ERVK3-1: variants seen among roughly 807,000 people sequenced by gnomAD.
ERVK3-1 encodes the protein endogenous retrovirus group K3 member 1, also known as HERV-K(HML6-1).
In ERVK3-1 at chr19:58,310,797, T is replaced by C; in HGVS notation, c.-3-1369T>C. ...CTCCACAAGAGGTGGAGGAGCAGAG[T>C]CTTCTCTAACCTCCCCCAGGGAAAG... On this transcript the variant is annotated intron_variant, in intron 2 of 3. Transcript: ENST00000413518. The surrounding 1 kb of genome is among the most constrained non-coding windows in gnomAD (Gnocchi z 4.7). 3.1e-6 allele frequency: 1 copy of C among 324,196 alleles called. No homozygotes were observed. Among genetic ancestry groups the C allele is most frequent in the South Asian group, 2.3e-5 (1 of 43,150 alleles). The allele number at this position is 324,196 out of a possible 1,614,324, so 20.1% of individuals were successfully genotyped here.
intron 3 of ERVK3-1, among the ~76,000 whole-genome samples, chr19:58,314,392 C>G (rs969940249): frequency 6.6e-6 from 1 of 151,700 alleles, no homozygotes; most frequent in Middle Eastern, 3.2e-3. Flanking sequence ...TTTGGGAGGC[C>G]GAGGCAGGCA....
At chr19:58,314,588 C>T (rs1211557297) in intron 3 of ERVK3-1, among the ~76,000 whole-genome samples, 160 bp from the exon 4 acceptor site, 1 of 134,710 alleles carries the variant, frequency 7.4e-6, no homozygotes, top group Non-Finnish European at 1.5e-5. Context: ...GATGGCGCCA[C>T]TGCACTCCAG....
Position 58,307,136 on chromosome 19 carries a change from A to G in ERVK3-1, c.-4+920A>G, listed in dbSNP as rs188510302. Among the ~76,000 whole-genome samples the G allele has an allele frequency of 9.3e-4, 141 of 152,372 alleles. 3 individuals carry two copies. The highest frequency in any genetic ancestry group is 6.8e-3 in the Middle Eastern group (2 of 294). ...CAATTGACACTTCCAGATGCTGCTTACCATCAGTGCGCCTGGCCGCTAAGC... is the reference window on the plus strand; with the variant it reads ...CAATTGACACTTCCAGATGCTGCTTGCCATCAGTGCGCCTGGCCGCTAAGC... On this transcript the variant is annotated intron_variant, in intron 2 of 3. Transcript: ENST00000413518.
chr19:58,308,655 G>A (rs1169430174), intron 2 of ERVK3-1, among the ~76,000 whole-genome samples: 1 of 152,186 alleles, frequency 6.6e-6, no homozygotes, highest in African/African-American at 2.4e-5. Flanking sequence ...AGATAGGAAA[G>A]GGCTAGGTCA....
chr19:58,307,725 A>G (rs1162768148), intron 2 of ERVK3-1, among the ~76,000 whole-genome samples: 1 of 150,756 alleles, frequency 6.6e-6, no homozygotes, highest in Non-Finnish European at 1.5e-5. Flanking sequence ...TCAAAATTTC[A>G]TCAGAATGGC....
chr19:58,310,492 C>G lies in ERVK3-1; in HGVS notation c.-3-1674C>G, dbSNP rs1038723404. The stretch of plus-strand genomic sequence containing the variant: ...AGTCATCTCCAATGATAGGTAAGGT[C>G]ACGTGGGTCATGTGTCCACTGGTCA... On this transcript the variant is annotated intron_variant, in intron 2 of 3. Coordinates refer to ENST00000413518, the Ensembl canonical transcript of ERVK3-1. The surrounding 1 kb of genome is among the most constrained non-coding windows in gnomAD (Gnocchi z 4.7). 1 of 155,248 alleles carries G rather than the reference C, an allele frequency of 6.4e-6. No homozygotes were observed. The highest frequency in any genetic ancestry group is 1.4e-5 in the Non-Finnish European group (1 of 69,668). The allele number at this position is 155,248 out of a possible 1,614,324, so 9.6% of individuals were successfully genotyped here.
downstream of ERVK3-1, among the ~76,000 whole-genome samples, chr19:58,316,315 A>G (rs923385719): frequency 6.6e-6 from 1 of 151,904 alleles, no homozygotes; most frequent in Non-Finnish European, 1.5e-5. Flanking sequence ...TGATGAGGCC[A>G]CCCCTCTCTT....
chr19:58,312,384 G>C lies in ERVK3-1; in HGVS notation c.216G>C (p.Glu72Asp), dbSNP rs2051561948. The C allele has an allele frequency of 2.5e-6, 1 of 400,216 alleles. No individual in the cohort carries two copies. Among genetic ancestry groups the C allele is most frequent in the Non-Finnish European group, 4.4e-6 (1 of 226,104 alleles). 24.8% of individuals were successfully genotyped at this position (400,216 alleles called of 1,614,324 possible). The stretch of plus-strand genomic sequence containing the variant: ...TCAAGAAAACGACACAAGAAGCTGA[G>C]AAACTACTGGAGCGCCAGGGTCAGG... Residue 72 changes from glutamate to aspartate, a missense_variant, in exon 3 of 4, where the codon GAG becomes GAC. Physicochemically the swap from Glu to Asp is conservative, Grantham distance 45. Coordinates refer to ENST00000413518, the Ensembl canonical transcript of ERVK3-1. The surrounding 1 kb of genome is among the most constrained non-coding windows in gnomAD (Gnocchi z 4.7).
chr19:58,312,787 C>G lies in ERVK3-1; in HGVS notation c.294+325C>G, dbSNP rs2051565481. On this transcript the variant is annotated intron_variant, in intron 3 of 3. Transcript: ENST00000413518. The surrounding 1 kb of genome is among the most constrained non-coding windows in gnomAD (Gnocchi z 4.7). ...TTATTAATGTTACTGGCGTGTTCAC[C>G]AATCACTCCTAGCCCCATCACTCAA... is the stretch of plus-strand genomic sequence containing the variant. 6.6e-6 allele frequency among the ~76,000 whole-genome samples: 1 copy of G among 152,294 alleles called. No individual in the cohort carries two copies. The highest frequency in any genetic ancestry group is 2.4e-5 in the African/African-American group (1 of 41,552).
Position 58,310,736 on chromosome 19 carries a change from C to T in ERVK3-1, c.-3-1430C>T, listed in dbSNP as rs922922498. On this transcript the variant is annotated intron_variant, in intron 2 of 3. Coordinates refer to ENST00000413518, the Ensembl canonical transcript of ERVK3-1. This position sits in a 1 kb window ranked among gnomAD's most constrained non-coding sequence, Gnocchi z 4.7. ...AATCACAGGGAGACGGTTAGGCCTC[C>T]GGATAACTGTGGGCGAGCCTGACTA... 1.5e-4 allele frequency: 33 copies of T among 219,824 alleles called. No individual in the cohort carries two copies. The highest frequency in any genetic ancestry group is 2.8e-4 in the Non-Finnish European group (29 of 103,816). The allele number at this position is 219,824 out of a possible 1,614,324, so 13.6% of individuals were successfully genotyped here.
At position 58,314,934 on chromosome 19, in the gene ERVK3-1, G is replaced by A. The variant is rs371764005; in HGVS notation, c.*151G>A. 6 of 393,482 alleles carry A rather than the reference G, an allele frequency of 1.5e-5. No homozygotes were observed. The South Asian group carries it at 4.0e-4, about 26-fold the overall frequency. The allele number at this position is 393,482 out of a possible 1,614,324, so 24.4% of individuals were successfully genotyped here. A position where few individuals can be genotyped will look rare whatever the true frequency, so the allele number is the denominator to read the frequency against. On this transcript the variant is annotated 3_prime_UTR_variant, in exon 4 of 4. Coordinates refer to ENST00000413518, the Ensembl canonical transcript of ERVK3-1. ...CAAACTGTTCTCATGAAAGCAGGAT[G>A]TTGGCGAACTGACAAACTCTGTCTG...
At position 58,310,460 on chromosome 19, in the gene ERVK3-1, G is replaced by T; in HGVS notation, c.-3-1706G>T. On this transcript the variant is annotated intron_variant, in intron 2 of 3. Transcript: ENST00000413518. This position sits in a 1 kb window ranked among gnomAD's most constrained non-coding sequence, Gnocchi z 4.7. The stretch of plus-strand genomic sequence containing the variant: ...TACAAAGCAAAAGGGGCAGGGTAAA[G>T]AGTGTGAGTCATCTCCAATGATAGG... The T allele has an allele frequency of 6.3e-6, 1 of 157,814 alleles. No individual in the cohort carries two copies. The highest frequency in any genetic ancestry group is 1.7e-4 in the South Asian group (1 of 5,908). 9.8% of individuals were successfully genotyped at this position (157,814 alleles called of 1,614,324 possible). A position where few individuals can be genotyped will look rare whatever the true frequency, so the allele number is the denominator to read the frequency against.
rs182545338 is a variant in ERVK3-1, at chr19:58,313,365, C to T, written c.294+903C>T. ...GCAGTGGCGCAATCTCGGGTCACTGCAACCTTTGCCTCCCGGGTTCAAGCA... is the reference window on the plus strand; with the variant it reads ...GCAGTGGCGCAATCTCGGGTCACTGTAACCTTTGCCTCCCGGGTTCAAGCA... On this transcript the variant is annotated intron_variant, in intron 3 of 3. Transcript: ENST00000413518. This position sits in a 1 kb window ranked among gnomAD's most constrained non-coding sequence, Gnocchi z 4.5. 8.1e-4 allele frequency among the ~76,000 whole-genome samples: 123 copies of T among 152,292 alleles called. No homozygotes were observed. Among genetic ancestry groups the T allele is most frequent in the Admixed American group, 1.8e-3 (28 of 15,298 alleles).
intron 2 of ERVK3-1, chr19:58,309,242 A>G (rs953082376): frequency 6.6e-6 from 1 of 152,216 alleles, no homozygotes; most frequent in African/African-American, 2.4e-5. Context: ...TATGGATAAT[A>G]TTGTTTTGGC....
chr19:58,314,288 C>A (rs2051575715), intron 3 of ERVK3-1, among the ~76,000 whole-genome samples: 1 of 152,128 alleles, frequency 6.6e-6, no homozygotes, highest in African/African-American at 2.4e-5. Context: ...TCAAAAATAA[C>A]AGCCCTTTTT....
At chr19:58,307,332 G>A (rs2051530165) in intron 2 of ERVK3-1, among the ~76,000 whole-genome samples, 1 of 152,180 alleles carries the variant, frequency 6.6e-6, no homozygotes, top group African/African-American at 2.4e-5. Context: ...CCTAGCTTTT[G>A]AAAATGCAAA....
At position 58,313,927 on chromosome 19, in the gene ERVK3-1, A is replaced by T. The variant is rs1434157024; in HGVS notation, c.295-821A>T. Among the ~76,000 whole-genome samples the T allele has an allele frequency of 6.6e-6, 1 of 152,252 alleles. No individual in the cohort carries two copies. The highest frequency in any genetic ancestry group is 1.5e-5 in the Non-Finnish European group (1 of 68,050). On this transcript the variant is annotated intron_variant, in intron 3 of 3. Coordinates refer to ENST00000413518, the Ensembl canonical transcript of ERVK3-1. The surrounding 1 kb of genome is among the most constrained non-coding windows in gnomAD (Gnocchi z 4.5). ...TAATAACCTCGGTTGTAGTGTCCTC[A>T]GTAGCACTACATAGTTCTATTCAAA...
intron 2 of ERVK3-1, among the ~76,000 whole-genome samples, chr19:58,307,820 G>T (rs1389292687): frequency 6.6e-6 from 1 of 152,186 alleles, no homozygotes; most frequent in Non-Finnish European, 1.5e-5. Flanking sequence ...CCTGCTACAG[G>T]GGTGGGTTCC....
rs189005440 is a variant in ERVK3-1 at position 58,314,344 on chromosome 19, T to C, written c.295-404T>C. Among the ~76,000 whole-genome samples, 41 of 152,262 alleles carry C rather than the reference T, an allele frequency of 2.7e-4. No homozygotes were observed. The East Asian group carries it at 7.5e-3, about 28-fold the overall frequency. ...AGCAGGGCTTAGAAAGCCTCAACCC[T>C]GGCCGGGTGCGGTGGCTCACGCCTA... On this transcript the variant is annotated intron_variant, in intron 3 of 3. Coordinates refer to ENST00000413518, the Ensembl canonical transcript of ERVK3-1.
Sources: allele counts gnomAD v4.1 joint callset (sites outside exome capture counted in the v4.1 genomes callset), GRCh38; gene constraint gnomAD v4.1.1; non-coding constraint Gnocchi (gnomAD v3.1); transcripts MANE v1.5; gene names NCBI Gene and HGNC (gene_info 2026-07-23, HGNC 2026-07-21).